Variants in HSD17B11 observed in about 807,000 individuals in gnomAD.
HSD17B11 encodes estradiol 17-beta-dehydrogenase 11.
HSD17B11 carries 22 observed loss-of-function variants against 27.8 expected under a neutral mutation model. That is an observed-to-expected ratio of 0.79 (90% CI 0.56 to 1.13). The LOEUF (loss-of-function observed/expected upper bound fraction) is 1.13, where lower values mean the gene tolerates loss of function less well. Among genes scored for constraint, HSD17B11 ranks in the 50% most tolerant of loss-of-function variants. The probability of loss-of-function intolerance (pLI) is 0.00; values close to 1 mark genes in which losing one functional copy is unlikely to be tolerated. For synonymous variants in HSD17B11, 117 were observed against 132.8 expected (o/e 0.88, Z 0.82); for missense variants, 314 against 351.1 (o/e 0.89, Z 0.84).
At chr4:87,368,724 G>C (rs1393376157) in intron 4 of HSD17B11, among the ~76,000 whole-genome samples, 2 of 152,192 alleles carry the variant, frequency 1.3e-5, no homozygotes. Context: ...TTACAGTAAA[G>C]GAGATGGCCA....
In HSD17B11 at chr4:87,370,760, T is replaced by A. The variant is rs1022709564; in HGVS notation, c.557+1949A>T. Among the ~76,000 whole-genome samples, 72 of 75,970 alleles carry A rather than the reference T, an allele frequency of 9.5e-4. 4 individuals carry two copies. Among genetic ancestry groups the A allele is most frequent in the Middle Eastern group, 5.4e-3 (1 of 184 alleles). The allele number at this position is 75,970 out of a possible 152,430, so 49.8% of individuals were successfully genotyped here. A position where few individuals can be genotyped will look rare whatever the true frequency, so the allele number is the denominator to read the frequency against. On this transcript the variant is annotated intron_variant, in intron 4 of 6. Transcript: ENST00000358290. ...TTATTATTATTATTATTATTATTTT[T>A]TTTTTTTTTTGAGACGGAGTCTCGC...
intron 5 of HSD17B11, among the ~76,000 whole-genome samples, chr4:87,356,267 T>A (rs936450644): frequency 6.6e-6 from 1 of 152,182 alleles, no homozygotes; most frequent in African/African-American, 2.4e-5. Flanking sequence ...CCTTTATGAA[T>A]CTACCTGAGG....
chr4:87,381,670 G>C (rs1341386897), intron 2 of HSD17B11, among the ~76,000 whole-genome samples: 1 of 150,590 alleles, frequency 6.6e-6, no homozygotes, highest in Non-Finnish European at 1.5e-5. Context: ...GAGGTGGGAG[G>C]ATTGCTTGAT....
chr4:87,372,848 A>G (rs1468845901), intron 3 of HSD17B11, 33 bp from the exon 4 acceptor site: 2 of 1,181,900 alleles, frequency 1.7e-6, no homozygotes, highest in Admixed American at 3.5e-5. Flanking sequence ...GAGAAAAAAT[A>G]CTGTATTTCA....
intron 5 of HSD17B11, among the ~76,000 whole-genome samples, chr4:87,342,528 G>A (rs534772403): frequency 6.6e-6 from 1 of 151,980 alleles, no homozygotes; most frequent in Non-Finnish European, 1.5e-5. Context: ...GCAAGATGGT[G>A]AGATCTCGTC....
chr4:87,342,954 T>C (rs1735197302), intron 5 of HSD17B11, among the ~76,000 whole-genome samples: 1 of 152,222 alleles, frequency 6.6e-6, no homozygotes, highest in African/African-American at 2.4e-5. Flanking sequence ...AAGGATGCTA[T>C]GCCTTGAAAA....
At chr4:87,345,779 C>A (rs543149428) in intron 5 of HSD17B11, among the ~76,000 whole-genome samples, 210 of 152,164 alleles carry the variant, frequency 1.4e-3, no homozygotes, top group African/African-American at 4.9e-3. Flanking sequence ...AATCTGAGAT[C>A]TTTAATAAGA....
At chr4:87,370,749 A>AT (rs1401448001) in intron 4 of HSD17B11, among the ~76,000 whole-genome samples, 915 of 6,292 alleles carry the variant, frequency 0.15, 38 homozygotes, top group East Asian at 0.33. Context: ...TATTATTATT[A>AT]TTATTATTTT....
intron 2 of HSD17B11, among the ~76,000 whole-genome samples, chr4:87,380,810 A>T (rs1720136944): frequency 7.0e-6 from 1 of 143,422 alleles, no homozygotes; most frequent in African/African-American, 2.6e-5. Flanking sequence ...GTGAGCCGAG[A>T]TCGCACCACT....
chr4:87,359,823 A>G (rs1735471422), intron 4 of HSD17B11, among the ~76,000 whole-genome samples: 2 of 152,214 alleles, frequency 1.3e-5, no homozygotes, highest in South Asian at 2.1e-4. Flanking sequence ...TGGGTAGTAA[A>G]CCAGGTTTAT....
intron 1 of HSD17B11, chr4:87,386,760 T>A (rs557407452): frequency 2.6e-5 from 4 of 152,352 alleles, no homozygotes; most frequent in South Asian, 2.1e-4. Flanking sequence ...AAAAACTTTT[T>A]AAATTATGCC....
At chr4:87,358,271 T>C (rs1245275983) in intron 4 of HSD17B11, among the ~76,000 whole-genome samples, 1 of 152,118 alleles carries the variant, frequency 6.6e-6, no homozygotes, top group African/African-American at 2.4e-5. Flanking sequence ...GAGATTAAAT[T>C]TTTTAAAACA....
At chr4:87,361,608 A>C (rs1484165266) in intron 4 of HSD17B11, among the ~76,000 whole-genome samples, 1 of 152,256 alleles carries the variant, frequency 6.6e-6, no homozygotes, top group Non-Finnish European at 1.5e-5. Context: ...TCTACTAAAA[A>C]TACAAAAAAT....
At chr4:87,365,993 A>T (rs1735608277) in intron 4 of HSD17B11, 1 of 152,146 alleles carries the variant, frequency 6.6e-6, no homozygotes, top group Admixed American at 6.6e-5. Context: ...GGTAGCTGGG[A>T]TTACAGGCAT....
At chr4:87,388,759 A>C (rs1324857494) in intron 1 of HSD17B11, among the ~76,000 whole-genome samples, 1 of 152,244 alleles carries the variant, frequency 6.6e-6, no homozygotes, top group Non-Finnish European at 1.5e-5. Context: ...CTGCATTAGA[A>C]CAGTGCCTAA....
chr4:87,357,253 C>T, intron 5 of HSD17B11, 26 bp downstream of exon 5: 1 of 1,606,476 alleles, frequency 6.2e-7, no homozygotes, highest in East Asian at 2.3e-5. Flanking sequence ...AACCACCAAT[C>T]CTTTTGTCTC....
chr4:87,365,169 CA>C (rs1451034416), intron 4 of HSD17B11, among the ~76,000 whole-genome samples: 3 of 148,348 alleles, frequency 2.0e-5, no homozygotes, highest in Admixed American at 1.3e-4. Context: ...AACTTTGTCT[CA>C]AAAAAAAAGA....
chr4:87,378,442 A>G (rs1206109488), intron 2 of HSD17B11, among the ~76,000 whole-genome samples: 1 of 152,166 alleles, frequency 6.6e-6, no homozygotes, highest in Non-Finnish European at 1.5e-5. Context: ...AGGGTAAATC[A>G]GGTATCCATC....
intron 4 of HSD17B11, among the ~76,000 whole-genome samples, chr4:87,370,749 A>T (rs1375802120): frequency 0.04 from 260 of 6,444 alleles, 7 homozygotes; most frequent in South Asian, 0.092. Context: ...TATTATTATT[A>T]TTATTATTTT....
Sources: gnomAD v4.1 joint callset for allele counts (sites outside exome capture counted in the v4.1 genomes callset) on GRCh38, gnomAD v4.1.1 for gene constraint, MANE v1.5 for transcripts, NCBI Gene and HGNC (gene_info 2026-07-23, HGNC 2026-07-21) for gene names.